Variants in ITSN2 observed in about 807,000 individuals in gnomAD.
ITSN2 encodes the protein intersectin 2.
In ITSN2, 156 loss-of-function variants were observed where a neutral mutation model predicts 243.7. That is an observed-to-expected ratio of 0.64 (90% CI 0.56 to 0.73). The LOEUF is 0.73. ITSN2 is among the 30% of genes least tolerant of loss of function. ITSN2 has a pLI of 0.00. For missense variants in ITSN2, 1,801 were observed against 1,996.1 expected, an observed-to-expected ratio of 0.90 and a Z score of 1.86; for synonymous variants, 703 against 699.9, an observed-to-expected ratio of 1.00 and a Z score of -0.07.
At position 24,286,137 on chromosome 2, in the gene ITSN2, A is replaced by G. The variant is rs1574151965; in HGVS notation, c.1863+75T>C. The G allele has an allele frequency of 2.0e-5, 16 of 816,180 alleles. No homozygotes were observed. In the East Asian group the frequency reaches 4.0e-4, roughly 20 times the overall value. The allele number at this position is 816,180 out of a possible 1,614,324, so 50.6% of individuals were successfully genotyped here. A position where few individuals can be genotyped will look rare whatever the true frequency, so the allele number is the denominator to read the frequency against. ...TGTAATACATATAATAGCTTTAGCT[A>G]TTTATTCTATTAAATCAAAATAATG... On this transcript the variant is annotated intron_variant, in intron 16 of 39. Transcript: ENST00000355123.
chr2:24,357,535 G>T (rs1688561851), intron 1 of ITSN2, among the ~76,000 whole-genome samples: 1 of 151,956 alleles, frequency 6.6e-6, no homozygotes, highest in African/African-American at 2.4e-5. Context: ...AAACCACCAC[G>T]GTGCACGTAT....
chr2:24,210,161 T>C, intron 34 of ITSN2, 128 bp from the exon 35 acceptor site: 1 of 653,684 alleles, frequency 1.5e-6, no homozygotes, highest in South Asian at 1.9e-5. Flanking sequence ...GCTAGAATCA[T>C]TCACTTTGCA....
At chr2:24,302,642 A>G (rs576260433) in intron 9 of ITSN2, among the ~76,000 whole-genome samples, 1 of 152,270 alleles carries the variant, frequency 6.6e-6, no homozygotes, top group South Asian at 2.1e-4. Flanking sequence ...TTAATTTTTT[A>G]CCGTTGATTT....
chr2:24,324,159 T>C (rs905483809), intron 2 of ITSN2, among the ~76,000 whole-genome samples: 1 of 152,104 alleles, frequency 6.6e-6, no homozygotes, highest in African/African-American at 2.4e-5. Context: ...GTGAACCCAG[T>C]AGGCGGAGCT....
intron 29 of ITSN2, among the ~76,000 whole-genome samples, chr2:24,235,027 C>CA (rs1410414259): frequency 2.1e-4 from 32 of 152,278 alleles, no homozygotes; most frequent in African/African-American, 7.5e-4. Flanking sequence ...CTTATGTCCA[C>CA]AAAAAAGCCT....
intron 5 of ITSN2, 103 bp downstream of exon 5, chr2:24,312,109 G>C: frequency 1.1e-6 from 1 of 872,262 alleles, no homozygotes. Flanking sequence ...TTGGAATCTG[G>C]GGACTGTCAT....
chr2:24,288,140 T>G (rs1412181773), intron 15 of ITSN2, among the ~76,000 whole-genome samples: 1 of 152,136 alleles, frequency 6.6e-6, no homozygotes, highest in Non-Finnish European at 1.5e-5. Context: ...AATGTTTTCT[T>G]CTAGGAGTTT....
At position 24,211,032 on chromosome 2, in the gene ITSN2, C is replaced by T; in HGVS notation, c.4090-85G>A. The T allele has an allele frequency of 1.5e-6, 2 of 1,332,124 alleles. No homozygotes were observed. The highest frequency in any genetic ancestry group is 2.1e-6 in the Non-Finnish European group (2 of 944,316). The allele number at this position is 1,332,124 out of a possible 1,614,324, so 82.5% of individuals were successfully genotyped here. On this transcript the variant is annotated intron_variant, in intron 33 of 39. Transcript: ENST00000355123. The surrounding 1 kb of genome is among the most constrained non-coding windows in gnomAD (Gnocchi z 4.1). ...CCTTCGCAGGACCGCTCCTCCAACC[C>T]CATGTTATGGACTGCTTCCATGCCC...
intron 22 of ITSN2, 79 bp from the exon 23 acceptor site, chr2:24,258,172 A>G (rs1350152060): frequency 2.9e-6 from 3 of 1,023,952 alleles, no homozygotes; most frequent in African/African-American, 3.2e-5. Flanking sequence ...TAACATACTT[A>G]CTGTTCAAAC....
chr2:24,218,602 G>A (rs191900287), intron 30 of ITSN2, among the ~76,000 whole-genome samples: 118 of 151,966 alleles, frequency 7.8e-4, no homozygotes, highest in Middle Eastern at 3.4e-3. Flanking sequence ...ACACACACGC[G>A]TGTGTGTTTG....
chr2:24,352,158 C>A (rs1329885964), intron 1 of ITSN2, among the ~76,000 whole-genome samples: 2 of 152,058 alleles, frequency 1.3e-5, no homozygotes, highest in African/African-American at 2.4e-5. Flanking sequence ...TTTCAAGCAA[C>A]CACTAGGGGT....
At chr2:24,293,442 C>T (rs1680533134) in intron 15 of ITSN2, 1 of 256,768 alleles carries the variant, frequency 3.9e-6, no homozygotes, top group Non-Finnish European at 7.3e-6. Flanking sequence ...CAATTATATA[C>T]ATAAAAATAT....
chr2:24,319,534 C>A (rs950449650), intron 2 of ITSN2, among the ~76,000 whole-genome samples: 1 of 152,184 alleles, frequency 6.6e-6, no homozygotes. Flanking sequence ...TTCCAGAGGT[C>A]TTCCCCCACC....
chr2:24,261,263 C>A lies in ITSN2; in HGVS notation c.2538-13G>T. On this transcript the variant is annotated splice_polypyrimidine_tract_variant and intron_variant, in intron 21 of 39. Transcript: ENST00000355123. ...TGAAGAAAGTGGTCTGCAAATATAA[C>A]ACTTTGATATAAGTATATTTATTTG... The A allele has an allele frequency of 6.3e-7, 1 of 1,589,190 alleles. No homozygotes were observed. Among genetic ancestry groups the A allele is most frequent in the Non-Finnish European group, 8.6e-7 (1 of 1,159,180 alleles).
intron 10 of ITSN2, 138 bp downstream of exon 10, chr2:24,301,827 C>T: frequency 1.2e-6 from 1 of 812,616 alleles, no homozygotes; most frequent in Non-Finnish European, 1.8e-6. Context: ...CTGGCCCACA[C>T]CTACTTCTAA....
rs759346352 is a variant in ITSN2 at position 24,208,274 on chromosome 2, G to A, written c.4641C>T (p.Ile1547=). Residue 1547 remains isoleucine (I), a synonymous_variant, in exon 37 of 40, where the codon ATC becomes ATT. Coordinates refer to ENST00000355123, the MANE Select transcript of ITSN2 (RefSeq NM_006277.3). Reference sequence around the variant, plus strand: ...TCTCACGCTTCTTCTTCTCGGTGTCGATGTACTGCTCAGACGCCGCCTTGA... The same window carrying A: ...TCTCACGCTTCTTCTTCTCGGTGTCAATGTACTGCTCAGACGCCGCCTTGA... ...QKIKAASEQY[I]DTEKKKREKA... 14 of 1,611,680 alleles carry A rather than the reference G, an allele frequency of 8.7e-6. No homozygotes were observed. Among genetic ancestry groups the A allele is most frequent in the East Asian group, 6.7e-5 (3 of 44,806 alleles).
At chr2:24,294,156 T>C (rs1680642088) in intron 14 of ITSN2, among the ~76,000 whole-genome samples, 1 of 152,214 alleles carries the variant, frequency 6.6e-6, no homozygotes, top group Admixed American at 6.5e-5. Context: ...CTGGGTGCGG[T>C]GGCTCACACC....
chr2:24,261,409 C>T, intron 21 of ITSN2, 152 bp downstream of exon 21: 1 of 885,496 alleles, frequency 1.1e-6, no homozygotes. Context: ...TTTTCACTTA[C>T]TAAATTTCAG....
At chr2:24,203,921 C>G (rs545079671) in intron 39 of ITSN2, 138 bp from the exon 40 acceptor site, 1 of 855,674 alleles carries the variant, frequency 1.2e-6, no homozygotes, top group Non-Finnish European at 1.8e-6. Flanking sequence ...TGTTGAATGT[C>G]GTGAGTGGGT....
Sources: gnomAD v4.1 joint callset for allele counts (sites outside exome capture counted in the v4.1 genomes callset) on GRCh38, gnomAD v4.1.1 for gene constraint, Gnocchi (gnomAD v3.1) non-coding constraint, MANE v1.5 for transcripts, NCBI Gene and HGNC (gene_info 2026-07-23, HGNC 2026-07-21) for gene names.